Variants in CRPPA observed in about 807,000 individuals in gnomAD.
CRPPA encodes CDP-L-ribitol pyrophosphorylase A, also known as D-ribitol-5-phosphate cytidylyltransferase.
CRPPA carries 43 observed loss-of-function variants against 52.0 expected under a neutral mutation model. The observed-to-expected ratio is 0.83, with a 90% CI of 0.65 to 1.07. CRPPA has a LOEUF of 1.07. CRPPA is among the 50% of genes least tolerant of loss of function. The pLI is 0.00. For synonymous variants in CRPPA, 250 were observed against 203.5 expected, an observed-to-expected ratio of 1.23 and a Z score of -1.94; for missense variants, 629 against 551.7, an observed-to-expected ratio of 1.14 and a Z score of -1.40.
intron 5 of CRPPA, among the ~76,000 whole-genome samples, chr7:16,295,387 G>C (rs932201680): frequency 1.3e-5 from 2 of 151,920 alleles, no homozygotes; most frequent in African/African-American, 4.8e-5. Flanking sequence ...AACCAAAAGG[G>C]ATGAAATGGA....
At chr7:16,414,208 T>A (rs913710318) in intron 1 of CRPPA, among the ~76,000 whole-genome samples, 1 of 152,140 alleles carries the variant, frequency 6.6e-6, no homozygotes, top group African/African-American at 2.4e-5. Flanking sequence ...TCAAATCCAC[T>A]GTCAGGAATT....
intron 6 of CRPPA, among the ~76,000 whole-genome samples, chr7:16,270,944 C>G (rs1381097593): frequency 6.6e-6 from 1 of 151,734 alleles, no homozygotes; most frequent in African/African-American, 2.4e-5. Flanking sequence ...GGTGAATTTA[C>G]TGAGGTCTAT....
At chr7:16,109,346 G>A (rs76551676) in intron 9 of CRPPA, among the ~76,000 whole-genome samples, 5,914 of 151,726 alleles carry the variant, frequency 0.039, 367 homozygotes, top group African/African-American at 0.13. Context: ...ACAAACTACC[G>A]AAATTGAACC....
At chr7:16,217,767 G>C (rs1270236775) in intron 8 of CRPPA, among the ~76,000 whole-genome samples, 2 of 147,648 alleles carry the variant, frequency 1.4e-5, no homozygotes, top group African/African-American at 5.0e-5. Flanking sequence ...AATGAGCAAA[G>C]CCTCCAAGAA....
chr7:16,404,549 C>A (rs1317451304), intron 2 of CRPPA, among the ~76,000 whole-genome samples: 4 of 143,068 alleles, frequency 2.8e-5, no homozygotes, highest in African/African-American at 5.2e-5. Context: ...TCAACAACAA[C>A]AAAAAAAATT....
intron 3 of CRPPA, among the ~76,000 whole-genome samples, chr7:16,363,139 A>G (rs1786501542): frequency 6.6e-6 from 1 of 152,214 alleles, no homozygotes; most frequent in Non-Finnish European, 1.5e-5. Flanking sequence ...CTGCCCTACC[A>G]ACCCCTAAAG....
In CRPPA at chr7:16,230,875, G is replaced by A. The variant is rs955396757; in HGVS notation, c.1120-14678C>T. On this transcript the variant is annotated intron_variant, in intron 8 of 9. Transcript: ENST00000407010. ...TGTTGCACTGGAACTGGCCAGAAGC[G>A]AGGGGCCACCTGCTGCTGCTGAGTG... Among the ~76,000 whole-genome samples, 10 of 152,064 alleles carry A rather than the reference G, an allele frequency of 6.6e-5. No homozygotes were observed. In the South Asian group the frequency reaches 8.3e-4, roughly 13 times the overall value.
chr7:16,163,049 C>A lies in CRPPA; in HGVS notation c.1251+53017G>T, dbSNP rs554882181. On this transcript the variant is annotated intron_variant, in intron 9 of 9. Coordinates refer to ENST00000407010, the MANE Select transcript of CRPPA (RefSeq NM_001101426.4). Reference sequence around the variant, plus strand: ...AGTGCAGTGGTGCGATCTCAGCTCACTGCAAGCTCCACCTCCCGGGTTCAC... The same window carrying A: ...AGTGCAGTGGTGCGATCTCAGCTCAATGCAAGCTCCACCTCCCGGGTTCAC... Among the ~76,000 whole-genome samples the A allele has an allele frequency of 2.8e-4, 42 of 147,576 alleles. No homozygotes were observed. In the South Asian group the frequency reaches 8.9e-3, roughly 31 times the overall value.
At position 16,387,118 on chromosome 7, in the gene CRPPA, C is replaced by T. The variant is rs544782190; in HGVS notation, c.535-10877G>A. Among the ~76,000 whole-genome samples the T allele has an allele frequency of 8.5e-5, 12 of 140,894 alleles. No homozygotes were observed. The South Asian group carries it at 2.6e-3, about 31-fold the overall frequency. The allele number at this position is 140,894 out of a possible 152,430, so 92.4% of individuals were successfully genotyped here. A position where few individuals can be genotyped will look rare whatever the true frequency, so the allele number is the denominator to read the frequency against. Reference sequence around the variant, plus strand: ...ATATATATATGTATATACACACACACACACTTGCTCACTTTTCATCTTCTA... The same window carrying T: ...ATATATATATGTATATACACACACATACACTTGCTCACTTTTCATCTTCTA... On this transcript the variant is annotated intron_variant, in intron 2 of 9. Transcript: ENST00000407010.
chr7:16,133,435 GCA>G (rs1179757188), intron 9 of CRPPA, among the ~76,000 whole-genome samples: 1 of 124,752 alleles, frequency 8.0e-6, no homozygotes, highest in African/African-American at 2.6e-5. Context: ...AGCTACAACT[GCA>G]TAAAATTAAG....
At chr7:16,122,280 A>T (rs961287394) in intron 9 of CRPPA, among the ~76,000 whole-genome samples, 4 of 152,076 alleles carry the variant, frequency 2.6e-5, no homozygotes, top group African/African-American at 9.6e-5. Context: ...TTAAAAGACA[A>T]ATATCTGGCA....
At chr7:16,244,457 T>A (rs777954677) in intron 8 of CRPPA, among the ~76,000 whole-genome samples, 10 of 152,216 alleles carry the variant, frequency 6.6e-5, no homozygotes, top group Non-Finnish European at 1.5e-4. Context: ...CCCTTTAGAA[T>A]ATCTATTGAA....
At chr7:16,282,866 T>C (rs1784346363) in intron 5 of CRPPA, among the ~76,000 whole-genome samples, 1 of 152,074 alleles carries the variant, frequency 6.6e-6, no homozygotes, top group African/African-American at 2.4e-5. Flanking sequence ...TTACAGTGTC[T>C]ATGGACGCAA....
At chr7:16,419,540 C>T (rs1238637667) in intron 1 of CRPPA, among the ~76,000 whole-genome samples, 2 of 152,192 alleles carry the variant, frequency 1.3e-5, no homozygotes, top group African/African-American at 2.4e-5. Context: ...GTCATGCATC[C>T]TCTGGCTGCA....
intron 2 of CRPPA, among the ~76,000 whole-genome samples, chr7:16,390,042 T>G (rs1787403307): frequency 6.8e-6 from 1 of 147,212 alleles, no homozygotes; most frequent in African/African-American, 2.5e-5. Flanking sequence ...AGAAGGCCAC[T>G]TAAGAGTAAA....
intron 8 of CRPPA, among the ~76,000 whole-genome samples, chr7:16,255,029 T>C (rs1158054251): frequency 1.3e-5 from 2 of 152,158 alleles, no homozygotes; most frequent in Admixed American, 1.3e-4. Context: ...CATGATTGTA[T>C]ATTTAGAAAA....
intron 9 of CRPPA, among the ~76,000 whole-genome samples, chr7:16,149,749 G>A (rs1783039368): frequency 6.6e-6 from 1 of 152,148 alleles, no homozygotes; most frequent in African/African-American, 2.4e-5. Flanking sequence ...AATTTGGGAG[G>A]CTGAGGCGAG....
At chr7:16,300,074 T>C (rs186589702) in intron 5 of CRPPA, among the ~76,000 whole-genome samples, 5 of 152,356 alleles carry the variant, frequency 3.3e-5, no homozygotes, top group African/African-American at 1.2e-4. Flanking sequence ...GCTTGGTTGA[T>C]ATGTAAATAT....
chr7:16,101,373 C>A (rs1171107746), intron 9 of CRPPA, among the ~76,000 whole-genome samples: 2 of 152,052 alleles, frequency 1.3e-5, no homozygotes, highest in Non-Finnish European at 2.9e-5. Context: ...TTAGTTTAGT[C>A]TTGGGAGAGT....
Sources: gnomAD v4.1 joint callset for allele counts (sites outside exome capture counted in the v4.1 genomes callset) on GRCh38, gnomAD v4.1.1 for gene constraint, MANE v1.5 for transcripts, NCBI Gene and HGNC (gene_info 2026-07-23, HGNC 2026-07-21) for gene names.